CEP57L1: variants seen among roughly 807,000 people sequenced by gnomAD.
The protein encoded by CEP57L1 is centrosomal protein CEP57L1.
Under a neutral mutation model 61.0 loss-of-function variants are expected in CEP57L1, and 37 were observed. The observed-to-expected ratio is 0.61, with a 90% CI of 0.47 to 0.80. The LOEUF is 0.80. CEP57L1 is among the 30% of genes least tolerant of loss of function. The pLI, the probability that CEP57L1 is intolerant of heterozygous loss-of-function variation, is 0.00. For missense variants in CEP57L1, 422 were observed against 524.7 expected (o/e 0.80, Z 1.91); for synonymous variants, 137 against 162.3 (o/e 0.84, Z 1.19).
Position 109,160,546 on chromosome 6 carries a change from G to A in CEP57L1, c.1017-26G>A, listed in dbSNP as rs749145858. 3.9e-6 allele frequency: 6 copies of A among 1,542,436 alleles called. No individual in the cohort carries two copies. The South Asian group carries it at 7.1e-5, about 18-fold the overall frequency. Reference sequence around the variant, plus strand: ...AATATATGCAATAAACTATAATACTGCTTAATATTTGCTATTCTTTCATAG... The same window carrying A: ...AATATATGCAATAAACTATAATACTACTTAATATTTGCTATTCTTTCATAG... On this transcript the variant is annotated intron_variant, in intron 9 of 10. Coordinates refer to ENST00000517392, the MANE Select transcript of CEP57L1 (RefSeq NM_001271852.3).
At chr6:109,095,205 C>T (rs1781536024), upstream of CEP57L1, 1 of 985,516 alleles carries the variant, frequency 1.0e-6, no homozygotes, top group Non-Finnish European at 1.2e-6. Flanking sequence ...GAGGCGGTTT[C>T]CGTTCCCGGA....
chr6:109,096,800 T>C (rs1221065910), intron 1 of CEP57L1, among the ~76,000 whole-genome samples: 2 of 152,234 alleles, frequency 1.3e-5, no homozygotes, highest in African/African-American at 4.8e-5. Flanking sequence ...ATCTCCTTTT[T>C]GGGATCTTCA....
rs1337231547 is a variant in CEP57L1 at position 109,170,207 on chromosome 6, A to G, written c.*7237A>G. ...ACCCACTTGTAGAAGTTTATTCACCACTACAAATTACTAAAGTTAACCTAA... is the reference window on the plus strand; with the variant it reads ...ACCCACTTGTAGAAGTTTATTCACCGCTACAAATTACTAAAGTTAACCTAA... On this transcript the variant is annotated 3_prime_UTR_variant, in exon 11 of 11. Transcript: ENST00000517392. Among the ~76,000 whole-genome samples, 1 of 152,214 alleles carries G rather than the reference A, an allele frequency of 6.6e-6. No homozygotes were observed. The highest frequency in any genetic ancestry group is 1.5e-5 in the Non-Finnish European group (1 of 68,028).
chr6:109,125,901 A>G (rs576848949), intron 1 of CEP57L1, among the ~76,000 whole-genome samples: 33 of 152,134 alleles, frequency 2.2e-4, no homozygotes, highest in Non-Finnish European at 4.6e-4. Context: ...TCAAATCCTA[A>G]GAATTATGCT....
Position 109,166,051 on chromosome 6 carries a change from G to A in CEP57L1, c.*3081G>A, listed in dbSNP as rs1244396990. ...CAGTGTTTGAAGCAGCAGGTATTGT[G>A]ACTATATTCTGATACTGGAAATGGG... On this transcript the variant is annotated 3_prime_UTR_variant, in exon 11 of 11. Transcript: ENST00000517392. 6.6e-6 allele frequency among the ~76,000 whole-genome samples: 1 copy of A among 152,186 alleles called. No individual in the cohort carries two copies. The highest frequency in any genetic ancestry group is 2.4e-5 in the African/African-American group (1 of 41,440).
chr6:109,137,051 C>T (rs1192258630), intron 1 of CEP57L1, among the ~76,000 whole-genome samples: 1 of 152,058 alleles, frequency 6.6e-6, no homozygotes, highest in African/African-American at 2.4e-5. Context: ...TGGCGCCTGG[C>T]CTAAAACTTG....
At chr6:109,135,494 A>G (rs1192612287) in intron 1 of CEP57L1, among the ~76,000 whole-genome samples, 1 of 152,240 alleles carries the variant, frequency 6.6e-6, no homozygotes, top group African/African-American at 2.4e-5. Context: ...CATTCAGGAC[A>G]TAGGCATGGG....
chr6:109,146,355 A>G (rs1459991442), intron 2 of CEP57L1, among the ~76,000 whole-genome samples: 1 of 151,938 alleles, frequency 6.6e-6, no homozygotes, highest in Non-Finnish European at 1.5e-5. Flanking sequence ...TGAGAAAAAA[A>G]GCCTATAACT....
chr6:109,152,181 C>A (rs1055432129), intron 4 of CEP57L1, among the ~76,000 whole-genome samples: 5 of 151,956 alleles, frequency 3.3e-5, no homozygotes, highest in African/African-American at 1.2e-4. Flanking sequence ...AGACTTTTAT[C>A]TTTTTTATTT....
intron 1 of CEP57L1, among the ~76,000 whole-genome samples, chr6:109,117,100 G>T (rs941418370): frequency 6.6e-6 from 1 of 152,016 alleles, no homozygotes; most frequent in Non-Finnish European, 1.5e-5. Flanking sequence ...TCAAAATTTT[G>T]TAGAATGAAC....
chr6:109,174,191 A>G lies in CEP57L1; in HGVS notation c.*11221A>G, dbSNP rs191676049. Among the ~76,000 whole-genome samples, 1 of 152,174 alleles carries G rather than the reference A, an allele frequency of 6.6e-6. No homozygotes were observed. The highest frequency in any genetic ancestry group is 1.5e-5 in the Non-Finnish European group (1 of 68,012). On this transcript the variant is annotated 3_prime_UTR_variant, in exon 11 of 11. Coordinates refer to ENST00000517392, the MANE Select transcript of CEP57L1 (RefSeq NM_001271852.3). ...ATGGATATAAATTACAGTGTCTAAG[A>G]TGGATACTTTACTCTTTTCTTTTGA...
In CEP57L1 at chr6:109,166,488, A is replaced by G. The variant is rs1461612452; in HGVS notation, c.*3518A>G. Among the ~76,000 whole-genome samples, 3 of 150,712 alleles carry G rather than the reference A, an allele frequency of 2.0e-5. No homozygotes were observed. The highest frequency in any genetic ancestry group is 2.9e-5 in the Non-Finnish European group (2 of 67,894). On this transcript the variant is annotated 3_prime_UTR_variant, in exon 11 of 11. Coordinates refer to ENST00000517392, the MANE Select transcript of CEP57L1 (RefSeq NM_001271852.3). Reference sequence around the variant, plus strand: ...AACCTCCACCTCTCAGGTTCAAGCTATTCTCCTGCCTCAGCCTCCCGAGTA... The same window carrying G: ...AACCTCCACCTCTCAGGTTCAAGCTGTTCTCCTGCCTCAGCCTCCCGAGTA...
chr6:109,133,666 A>G (rs1432789043), intron 1 of CEP57L1, among the ~76,000 whole-genome samples: 1 of 152,210 alleles, frequency 6.6e-6, no homozygotes, highest in Non-Finnish European at 1.5e-5. Flanking sequence ...ATAGACCGCT[A>G]GCAAGACTAA....
chr6:109,129,413 A>G (rs749883133), intron 1 of CEP57L1: 205 of 775,358 alleles, frequency 2.6e-4, no homozygotes, highest in Non-Finnish European at 3.4e-4. Context: ...AATTGTGCTG[A>G]GTGTCCCCCA....
In CEP57L1 at chr6:109,171,657, G is replaced by A. The variant is rs1774414590; in HGVS notation, c.*8687G>A. On this transcript the variant is annotated 3_prime_UTR_variant, in exon 11 of 11. Coordinates refer to ENST00000517392, the MANE Select transcript of CEP57L1 (RefSeq NM_001271852.3). ...GATTAAAGCATTTAGGAGTTTATAT[G>A]CAAAGAAGTCTTGCAAGGGAGTACA... Among the ~76,000 whole-genome samples, 1 of 152,156 alleles carries A rather than the reference G, an allele frequency of 6.6e-6. No homozygotes were observed. The highest frequency in any genetic ancestry group is 1.5e-5 in the Non-Finnish European group (1 of 68,020).
At chr6:109,122,968 A>G (rs1773147832) in intron 1 of CEP57L1, among the ~76,000 whole-genome samples, 3 of 152,172 alleles carry the variant, frequency 2.0e-5, no homozygotes, top group South Asian at 4.1e-4. Flanking sequence ...TTTAATTTAT[A>G]TAAGAATCAG....
At chr6:109,102,650 G>GTT (rs202236892) in intron 1 of CEP57L1, among the ~76,000 whole-genome samples, 6 of 146,494 alleles carry the variant, frequency 4.1e-5, no homozygotes, top group Non-Finnish European at 6.1e-5. Flanking sequence ...CCATTTTTTA[G>GTT]TTTTTTTTTT....
rs566571748 is a variant in CEP57L1, at chr6:109,130,671, T to G, written c.-3-14548T>G. 4 of 151,840 alleles carry G rather than the reference T, an allele frequency of 2.6e-5. No homozygotes were observed. In the South Asian group the frequency reaches 6.2e-4, roughly 24 times the overall value. The allele number at this position is 151,840 out of a possible 1,614,324, so 9.4% of individuals were successfully genotyped here. ...CCCTCTCTGCTGGTTTTGTTTTTTT[T>G]TTTTTTTTTAAAGAAAAATAGAACA... On this transcript the variant is annotated intron_variant, in intron 1 of 10. Coordinates refer to ENST00000517392, the MANE Select transcript of CEP57L1 (RefSeq NM_001271852.3).
chr6:109,127,234 A>G (rs1773661717), intron 1 of CEP57L1, among the ~76,000 whole-genome samples: 1 of 152,228 alleles, frequency 6.6e-6, no homozygotes, highest in African/African-American at 2.4e-5. Flanking sequence ...TCTTATATTC[A>G]GACTATTTAA....
Sources: gnomAD v4.1 joint callset for allele counts (sites outside exome capture counted in the v4.1 genomes callset) on GRCh38, gnomAD v4.1.1 for gene constraint, MANE v1.5 for transcripts, NCBI Gene and HGNC (gene_info 2026-07-23, HGNC 2026-07-21) for gene names.